FAM174A: variants seen among roughly 807,000 people sequenced by gnomAD.
FAM174A encodes family with sequence similarity 174 member A.
A neutral mutation model predicts 14.3 loss-of-function variants in FAM174A; 14 were observed. That is an observed-to-expected ratio of 0.98 (90% CI 0.65 to 1.53). FAM174A has a LOEUF of 1.53. FAM174A is among the 40% of genes most tolerant of loss of function. FAM174A has a pLI of 0.00. For missense variants in FAM174A, 241 were observed against 249.6 expected (o/e 0.97, Z 0.23); for synonymous variants, 108 against 111.4 (o/e 0.97, Z 0.19).
rs1402654803 is a variant in FAM174A at position 100,586,671 on chromosome 5, T to C, written c.*487T>C. ...CCAAATTTATTACTTTGTGTTGGGG[T>C]TTTTAAAATATTAAGAAATGTCTAA... On this transcript the variant is annotated 3_prime_UTR_variant, in exon 3 of 3. Transcript: ENST00000312637. The C allele has an allele frequency of 6.6e-6, 1 of 152,144 alleles. No homozygotes were observed. Among genetic ancestry groups the C allele is most frequent in the African/African-American group, 2.4e-5 (1 of 41,424 alleles). 9.4% of individuals were successfully genotyped at this position (152,144 alleles called of 1,614,324 possible). A position where few individuals can be genotyped will look rare whatever the true frequency, so the allele number is the denominator to read the frequency against.
intron 2 of FAM174A, among the ~76,000 whole-genome samples, chr5:100,575,628 G>A: frequency 6.6e-6 from 1 of 152,116 alleles, no homozygotes; most frequent in Non-Finnish European, 1.5e-5. Context: ...GCATGGGCAA[G>A]GACTTCATGT....
At chr5:100,567,512 C>T (rs552625018) in intron 2 of FAM174A, among the ~76,000 whole-genome samples, 8 of 151,758 alleles carry the variant, frequency 5.3e-5, no homozygotes, top group African/African-American at 1.7e-4. Context: ...TATATTCATG[C>T]GTTACTTTTT....
chr5:100,539,149 C>T (rs949512855), intron 1 of FAM174A, among the ~76,000 whole-genome samples: 1 of 151,994 alleles, frequency 6.6e-6, no homozygotes, highest in African/African-American at 2.4e-5. Context: ...TGCTCATGCT[C>T]ATATAGTGGA....
intron 2 of FAM174A, among the ~76,000 whole-genome samples, chr5:100,576,166 T>C (rs1746900615): frequency 1.3e-5 from 2 of 152,182 alleles, no homozygotes; most frequent in South Asian, 2.1e-4. Flanking sequence ...AGATGTAGAG[T>C]AATTATTTTT....
At chr5:100,546,223 A>C (rs971293770) in intron 1 of FAM174A, among the ~76,000 whole-genome samples, 1 of 152,222 alleles carries the variant, frequency 6.6e-6, no homozygotes, top group African/African-American at 2.4e-5. Context: ...CCATGCCAAC[A>C]TATGTCCTTC....
intron 1 of FAM174A, among the ~76,000 whole-genome samples, chr5:100,547,687 G>T (rs1327955314): frequency 1.3e-5 from 2 of 152,048 alleles, no homozygotes; most frequent in African/African-American, 2.4e-5. Flanking sequence ...TTCTTAAAGG[G>T]TATCACTATG....
At chr5:100,571,690 A>ATATATG (rs1746783842) in intron 2 of FAM174A, among the ~76,000 whole-genome samples, 1 of 147,328 alleles carries the variant, frequency 6.8e-6, no homozygotes, top group South Asian at 2.1e-4. Context: ...ATATATATAT[A>ATATATG]TACACACACA....
Position 100,571,784 on chromosome 5 carries a change from C to G in FAM174A, c.569+9596C>G, listed in dbSNP as rs912990718. On this transcript the variant is annotated intron_variant, in intron 2 of 2. Coordinates refer to ENST00000312637, the MANE Select transcript of FAM174A (RefSeq NM_198507.3). ...CATCTTTTACTGTTGTTATTGTGAT[C>G]AGTAAATCTACTTTCCATTGCCAAG... is the stretch of plus-strand genomic sequence containing the variant. Among the ~76,000 whole-genome samples the G allele has an allele frequency of 2.0e-5, 3 of 150,940 alleles. No individual in the cohort carries two copies. The Admixed American group carries it at 2.0e-4, about 10-fold the overall frequency.
intron 1 of FAM174A, among the ~76,000 whole-genome samples, chr5:100,550,357 T>C (rs1349889900): frequency 6.6e-6 from 1 of 152,160 alleles, no homozygotes; most frequent in Non-Finnish European, 1.5e-5. Context: ...TTAGATTTTG[T>C]TGTGGTATGT....
intron 2 of FAM174A, among the ~76,000 whole-genome samples, chr5:100,582,119 T>C (rs887052299): frequency 6.6e-6 from 1 of 152,212 alleles, no homozygotes; most frequent in Non-Finnish European, 1.5e-5. Flanking sequence ...ACTGCAATTT[T>C]GATTTTACAG....
chr5:100,581,700 G>A (rs920113096), intron 2 of FAM174A, among the ~76,000 whole-genome samples: 1 of 152,172 alleles, frequency 6.6e-6, no homozygotes. Flanking sequence ...ATGCCAGGGA[G>A]GGAGTGGGGA....
At position 100,559,096 on chromosome 5, in the gene FAM174A, T is replaced by C. The variant is rs554886250; in HGVS notation, c.435-2958T>C. Among the ~76,000 whole-genome samples the C allele has an allele frequency of 9.2e-5, 14 of 152,312 alleles. No individual in the cohort carries two copies. In the East Asian group the frequency reaches 2.7e-3, roughly 29 times the overall value. ...GGTACCAATTGTTCCTTTCCATGTTTAGTGCTTCCTTCAGGAGCTCATTTA... is the reference window on the plus strand; with the variant it reads ...GGTACCAATTGTTCCTTTCCATGTTCAGTGCTTCCTTCAGGAGCTCATTTA... On this transcript the variant is annotated intron_variant, in intron 1 of 2. Transcript: ENST00000312637.
intron 1 of FAM174A, among the ~76,000 whole-genome samples, chr5:100,540,573 G>T (rs1368628453): frequency 2.6e-5 from 4 of 152,110 alleles, no homozygotes; most frequent in Non-Finnish European, 5.9e-5. Flanking sequence ...CGCAAGTAAT[G>T]AATATTTTTT....
At chr5:100,575,373 G>T (rs948128204) in intron 2 of FAM174A, among the ~76,000 whole-genome samples, 17 of 152,080 alleles carry the variant, frequency 1.1e-4, no homozygotes, top group Admixed American at 9.2e-4. Flanking sequence ...TTTACATTAG[G>T]TATATCTCCT....
intron 1 of FAM174A, among the ~76,000 whole-genome samples, chr5:100,536,645 A>G (rs559674422): frequency 7.9e-5 from 12 of 152,302 alleles, no homozygotes; most frequent in South Asian, 4.1e-4. Context: ...AAGCCAGCAA[A>G]GAGATAAGGT....
chr5:100,544,443 CAGAG>C (rs1033386068), intron 1 of FAM174A, among the ~76,000 whole-genome samples: 4 of 146,100 alleles, frequency 2.7e-5, no homozygotes, highest in Admixed American at 6.8e-5. Context: ...GATCGAGAGA[CAGAG>C]AGAGAAGGAG....
rs1475140281 is a variant in FAM174A at position 100,535,378 on chromosome 5, G to A, written c.-153G>A. 4 of 768,336 alleles carry A rather than the reference G, an allele frequency of 5.2e-6. No homozygotes were observed. The highest frequency in any genetic ancestry group is 1.8e-5 in the African/African-American group (1 of 56,792). The allele number at this position is 768,336 out of a possible 1,614,324, so 47.6% of individuals were successfully genotyped here. A position where few individuals can be genotyped will look rare whatever the true frequency, so the allele number is the denominator to read the frequency against. On this transcript the variant is annotated 5_prime_UTR_variant, in exon 1 of 3. Coordinates refer to ENST00000312637, the MANE Select transcript of FAM174A (RefSeq NM_198507.3). ...CGAACTTCCGGTTCTCCGGGCAGCT[G>A]CCACTGCTGTAGCTTCTGCCACCTG...
chr5:100,585,703 C>G (rs1446386509), intron 2 of FAM174A, among the ~76,000 whole-genome samples: 1 of 152,176 alleles, frequency 6.6e-6, no homozygotes, highest in Non-Finnish European at 1.5e-5. Flanking sequence ...TGTGAGCCAT[C>G]ACGCCCGGCC....
At chr5:100,565,029 G>T (rs145205664) in intron 2 of FAM174A, among the ~76,000 whole-genome samples, 1 of 151,986 alleles carries the variant, frequency 6.6e-6, no homozygotes, top group African/African-American at 2.4e-5. Context: ...TATGAGGCTA[G>T]TGTTATCCTG....
Sources: gnomAD v4.1 joint callset for allele counts (sites outside exome capture counted in the v4.1 genomes callset) on GRCh38, gnomAD v4.1.1 for gene constraint, MANE v1.5 for transcripts, NCBI Gene and HGNC (gene_info 2026-07-23, HGNC 2026-07-21) for gene names.